Variants in CSMD3 observed in about 807,000 individuals in gnomAD.
CSMD3 encodes the protein CUB and sushi domain-containing protein 3.
In CSMD3, 177 loss-of-function variants were observed where a neutral mutation model predicts 435.2. That is an observed-to-expected ratio of 0.41 (90% CI 0.36 to 0.46). CSMD3 has a LOEUF of 0.46. Among genes scored for constraint, CSMD3 ranks in the 20% least tolerant of loss-of-function variants. The pLI is 0.34. For synonymous variants in CSMD3, 1,656 were observed against 1,520.5 expected (o/e 1.09, Z -2.07); for missense variants, 4,265 against 4,504.6 (o/e 0.95, Z 1.52).
At chr8:112,735,421 A>G (rs1395319802) in intron 13 of CSMD3, among the ~76,000 whole-genome samples, 3 of 152,074 alleles carry the variant, frequency 2.0e-5, no homozygotes, top group East Asian at 1.9e-4. Context: ...AAAATATTTT[A>G]GATCAGAGGT....
chr8:112,766,390 T>A (rs2077979449), intron 13 of CSMD3, among the ~76,000 whole-genome samples: 1 of 151,640 alleles, frequency 6.6e-6, no homozygotes, highest in Non-Finnish European at 1.5e-5. Flanking sequence ...CAGAAATTAA[T>A]CTCTCTCTCA....
At chr8:112,937,106 T>C (rs574573898) in intron 9 of CSMD3, among the ~76,000 whole-genome samples, 19 of 152,282 alleles carry the variant, frequency 1.2e-4, no homozygotes, top group African/African-American at 4.3e-4. Context: ...TAAGTTTGCC[T>C]ACCCAACTTG....
At chr8:112,877,440 G>A (rs1487222472) in intron 10 of CSMD3, among the ~76,000 whole-genome samples, 1 of 151,834 alleles carries the variant, frequency 6.6e-6, no homozygotes, top group Non-Finnish European at 1.5e-5. Flanking sequence ...CTAATTTTTT[G>A]TATTTTTAGT....
intron 16 of CSMD3, among the ~76,000 whole-genome samples, chr8:112,673,777 C>T (rs986086131): frequency 6.6e-6 from 1 of 152,086 alleles, no homozygotes; most frequent in African/African-American, 2.4e-5. Flanking sequence ...ACTTCAGTCC[C>T]ATCCTATTCA....
At chr8:113,147,026 C>T (rs1277254299) in intron 4 of CSMD3, among the ~76,000 whole-genome samples, 6 of 151,630 alleles carry the variant, frequency 4.0e-5, no homozygotes, top group African/African-American at 1.5e-4. Context: ...GAATGTTTAA[C>T]TATGTCATGG....
chr8:112,757,357 C>T (rs758288094), intron 13 of CSMD3, among the ~76,000 whole-genome samples: 11 of 151,458 alleles, frequency 7.3e-5, no homozygotes, highest in East Asian at 1.9e-4. Flanking sequence ...ATTATTGTGA[C>T]GATGTTATAT....
At chr8:112,416,355 G>A (rs928704539) in intron 32 of CSMD3, among the ~76,000 whole-genome samples, 1 of 152,148 alleles carries the variant, frequency 6.6e-6, no homozygotes, top group African/African-American at 2.4e-5. Context: ...TACCATGATT[G>A]TAAGTTTCCT....
intron 1 of CSMD3, among the ~76,000 whole-genome samples, chr8:113,401,560 T>C (rs1041267895): frequency 2.0e-5 from 3 of 151,668 alleles, no homozygotes; most frequent in African/African-American, 2.4e-5. Flanking sequence ...CAATGCCAAC[T>C]TTTTTATAGT....
intron 1 of CSMD3, among the ~76,000 whole-genome samples, chr8:113,393,475 G>A (rs983767382): frequency 6.6e-5 from 10 of 152,152 alleles, no homozygotes; most frequent in African/African-American, 2.4e-4. Context: ...AAGTCATGAT[G>A]AACATATTTC....
chr8:112,433,001 T>C (rs1385452306), intron 32 of CSMD3, among the ~76,000 whole-genome samples: 1 of 152,120 alleles, frequency 6.6e-6, no homozygotes, highest in Non-Finnish European at 1.5e-5. Context: ...CTGAAGAATA[T>C]GTTAACTTTT....
At chr8:112,752,964 C>A (rs1250769376) in intron 13 of CSMD3, among the ~76,000 whole-genome samples, 1 of 151,398 alleles carries the variant, frequency 6.6e-6, no homozygotes, top group East Asian at 1.9e-4. Flanking sequence ...CTCCCTCTGT[C>A]ACCCATGCTG....
chr8:112,859,213 T>G lies in CSMD3; in HGVS notation c.1687A>C (p.Asn563His), dbSNP rs1166420521. The G allele has an allele frequency of 6.2e-7, 1 of 1,611,076 alleles. No individual in the cohort carries two copies. The highest frequency in any genetic ancestry group is 8.5e-7 in the Non-Finnish European group (1 of 1,177,718). Reference sequence around the variant, plus strand: ...TTGCTGTCATACTGGAACGGAAAGTTGGGAGATGTAAAGGTACCACTTGGT... The same window carrying G: ...TTGCTGTCATACTGGAACGGAAAGTGGGGAGATGTAAAGGTACCACTTGGT... ...QGPSGTFTSPNFPFQYDSNAQ... is the reference protein window; with the variant it reads ...QGPSGTFTSPHFPFQYDSNAQ... The change falls in exon 11 of 71, where the codon AAC (asparagine) becomes CAC (histidine). Residue 563 changes from asparagine (N) to histidine (H), a missense_variant. Asn to His is a moderately conservative substitution (Grantham distance 68). Around this residue, in one of 3 missense-constraint regions of CSMD3, gnomAD observed 731 missense variants for 755.4 expected, o/e 0.97. Transcript: ENST00000297405.
chr8:112,476,265 T>TG, intron 31 of CSMD3, among the ~76,000 whole-genome samples: 1 of 152,230 alleles, frequency 6.6e-6, no homozygotes, highest in Non-Finnish European at 1.5e-5. Flanking sequence ...AGGCTGGTCT[T>TG]GAACTCCTGA....
intron 6 of CSMD3, among the ~76,000 whole-genome samples, chr8:112,976,616 G>A (rs1436491007): frequency 1.3e-5 from 2 of 151,482 alleles, no homozygotes; most frequent in Admixed American, 6.6e-5. Context: ...AGCAAGTGAA[G>A]AAAAGAGAAT....
In CSMD3 at chr8:113,019,604, G is replaced by A. The variant is rs531146236; in HGVS notation, c.918-425C>T. 1.2e-3 allele frequency among the ~76,000 whole-genome samples: 177 copies of A among 150,294 alleles called. 1 individual carries two copies. Among genetic ancestry groups the A allele is most frequent in the Non-Finnish European group, 1.8e-3 (123 of 67,612 alleles). On this transcript the variant is annotated intron_variant, in intron 5 of 70. Transcript: ENST00000297405. ...CTTATTGTTAATAATAAACATAACA[G>A]ATATTGAGCTGATGGTGCTAGTCAA...
intron 13 of CSMD3, among the ~76,000 whole-genome samples, chr8:112,784,871 C>G (rs766312862): frequency 2.0e-5 from 3 of 151,664 alleles, no homozygotes; most frequent in Non-Finnish European, 2.9e-5. Flanking sequence ...CAAAGTAGTC[C>G]AAAAAATAGA....
At chr8:113,435,841 A>T (rs1311906438) in intron 1 of CSMD3, among the ~76,000 whole-genome samples, 2 of 152,080 alleles carry the variant, frequency 1.3e-5, no homozygotes, top group Non-Finnish European at 1.5e-5. Flanking sequence ...CCCTAAGGAC[A>T]GCTCTTTTTC....
chr8:112,371,820 G>A (rs4876286), intron 38 of CSMD3, among the ~76,000 whole-genome samples: 28,905 of 151,674 alleles, frequency 0.19, 3,180 homozygotes, highest in Middle Eastern at 0.34. Context: ...CCCGGGAGGT[G>A]GTGGTTGCAG....
chr8:113,158,763 CAGATAT>C (rs1031877806), intron 4 of CSMD3, among the ~76,000 whole-genome samples: 21 of 151,482 alleles, frequency 1.4e-4, no homozygotes, highest in East Asian at 3.9e-4. Context: ...TGTATATATA[CAGATAT>C]AGATATAGAT....
Sources: allele counts gnomAD v4.1 joint callset (sites outside exome capture counted in the v4.1 genomes callset), GRCh38; gene constraint gnomAD v4.1.1; regional missense constraint gnomAD v4.1.1; transcripts MANE v1.5; gene names NCBI Gene and HGNC (gene_info 2026-07-23, HGNC 2026-07-21).